The following ATP8B4 variants were observed in gnomAD, a reference collection of about 807,000 sequenced individuals.
ATP8B4 encodes ATPase phospholipid transporting 8B4 (putative).
In ATP8B4, 133 loss-of-function variants were observed where a neutral mutation model predicts 145.6. The ratio of observed to expected loss-of-function variants is 0.91; its 90% CI spans 0.79 to 1.05. The LOEUF is 1.05. Ranked by LOEUF, ATP8B4 falls within the 50% of genes least tolerant of loss-of-function variation. The pLI is 0.00. For synonymous variants in ATP8B4, 507 were observed against 492.9 expected (o/e 1.03, Z -0.38); for missense variants, 1,458 against 1,425.2 (o/e 1.02, Z -0.37).
intron 23 of ATP8B4, 177 bp downstream of exon 23, chr15:49,897,115 C>T: frequency 1.7e-6 from 1 of 596,766 alleles, no homozygotes; most frequent in Non-Finnish European, 2.8e-6. Context: ...GATACATATT[C>T]TTCTTGGGTA....
At position 49,859,414 on chromosome 15, in the gene ATP8B4, C is replaced by A. The variant is rs1164129425; in HGVS notation, c.*780G>T. 1.0e-3 allele frequency: 152 copies of A among 152,246 alleles called. No individual in the cohort carries two copies. The highest frequency in any genetic ancestry group is 3.4e-3 in the Middle Eastern group (1 of 294). The allele number at this position is 152,246 out of a possible 1,614,324, so 9.4% of individuals were successfully genotyped here. On this transcript the variant is annotated 3_prime_UTR_variant, in exon 28 of 28. Transcript: ENST00000284509. ...CTGGATGATGCTCAGCAAATTACTA[C>A]TGAGGTTGTTAGAAAAGCCATTGAA...
chr15:50,168,605 G>A (rs1183239503), intron 1 of ATP8B4, among the ~76,000 whole-genome samples: 2 of 152,144 alleles, frequency 1.3e-5, no homozygotes, highest in African/African-American at 4.8e-5. Flanking sequence ...AGAGGAGCAG[G>A]GGGTAAAAGT....
chr15:49,907,964 G>T (rs186832305), intron 20 of ATP8B4: 1 of 440,278 alleles, frequency 2.3e-6, no homozygotes, highest in Non-Finnish European at 4.5e-6. Context: ...GAAACACATG[G>T]CAAGTGCACA....
chr15:49,872,419 C>T (rs543786111), intron 25 of ATP8B4, among the ~76,000 whole-genome samples: 2 of 152,088 alleles, frequency 1.3e-5, no homozygotes, highest in Admixed American at 1.3e-4. Flanking sequence ...TTGGACTCAG[C>T]GACTTACTTT....
intron 1 of ATP8B4, among the ~76,000 whole-genome samples, chr15:50,177,083 T>C (rs1322696253): frequency 6.6e-6 from 1 of 152,178 alleles, no homozygotes; most frequent in Non-Finnish European, 1.5e-5. Context: ...GTGATTAACT[T>C]ATGGCAACAA....
intron 7 of ATP8B4, among the ~76,000 whole-genome samples, chr15:50,002,522 C>T (rs1026246687): frequency 1.3e-5 from 2 of 151,984 alleles, no homozygotes; most frequent in Non-Finnish European, 1.5e-5. Flanking sequence ...TATTTTCTTG[C>T]TTTGATAATT....
chr15:49,964,500 C>T (rs1385877006), intron 13 of ATP8B4, among the ~76,000 whole-genome samples: 1 of 151,856 alleles, frequency 6.6e-6, no homozygotes, highest in Admixed American at 6.6e-5. Flanking sequence ...TTAAATTTTC[C>T]CAAGGCCTAC....
At chr15:49,993,375 AGT>A (rs34145133) in intron 9 of ATP8B4, among the ~76,000 whole-genome samples, 27 of 151,130 alleles carry the variant, frequency 1.8e-4, no homozygotes, top group African/African-American at 6.1e-4. Context: ...TGCTGATAGT[AGT>A]GTGTGTGTGT....
chr15:49,904,555 G>T (rs1328169168), intron 20 of ATP8B4, among the ~76,000 whole-genome samples: 2 of 152,116 alleles, frequency 1.3e-5, no homozygotes, highest in Admixed American at 6.5e-5. Context: ...GGTGACTAGG[G>T]GTTAGGAATT....
chr15:50,091,727 T>A (rs1364236900), intron 2 of ATP8B4, among the ~76,000 whole-genome samples: 1 of 152,140 alleles, frequency 6.6e-6, no homozygotes, highest in Non-Finnish European at 1.5e-5. Flanking sequence ...TTCTTACTCA[T>A]ACATCTTCCT....
intron 3 of ATP8B4, among the ~76,000 whole-genome samples, chr15:50,073,267 G>A (rs1157672556): frequency 1.3e-5 from 2 of 151,668 alleles, no homozygotes; most frequent in African/African-American, 4.8e-5. Context: ...TCTGCTGTGT[G>A]ATGTTCCTCT....
chr15:49,971,011 G>A (rs1249158747), intron 13 of ATP8B4, among the ~76,000 whole-genome samples: 1 of 152,104 alleles, frequency 6.6e-6, no homozygotes, highest in Non-Finnish European at 1.5e-5. Flanking sequence ...TCAAAAACAA[G>A]CAATGGAGAA....
At chr15:50,070,839 C>T (rs1186627586) in intron 3 of ATP8B4, among the ~76,000 whole-genome samples, 1 of 152,154 alleles carries the variant, frequency 6.6e-6, no homozygotes, top group Admixed American at 6.5e-5. Context: ...CTTCCAGGTT[C>T]AAGCAATTCT....
chr15:49,941,572 A>C (rs2153477502), intron 14 of ATP8B4, among the ~76,000 whole-genome samples: 1 of 152,354 alleles, frequency 6.6e-6, no homozygotes, highest in African/African-American at 2.4e-5. Flanking sequence ...TGAAAAGGGA[A>C]GGCTTGTACA....
chr15:49,925,411 A>C (rs1325021445), intron 16 of ATP8B4, among the ~76,000 whole-genome samples: 1 of 152,054 alleles, frequency 6.6e-6, no homozygotes, highest in East Asian at 1.9e-4. Context: ...TCCATGGTAT[A>C]CTCATGAGAA....
chr15:49,921,846 T>G (rs1411236266), intron 17 of ATP8B4, among the ~76,000 whole-genome samples: 1 of 152,216 alleles, frequency 6.6e-6, no homozygotes, highest in Non-Finnish European at 1.5e-5. Flanking sequence ...AAGCCCTGCC[T>G]TTCAAGACCA....
chr15:50,093,192 T>G (rs1005949808), intron 2 of ATP8B4, among the ~76,000 whole-genome samples: 11 of 151,208 alleles, frequency 7.3e-5, no homozygotes, highest in African/African-American at 2.7e-4. Context: ...ATTCCCACAT[T>G]TAAAAAAAAA....
chr15:50,156,446 A>G (rs1423406686), intron 1 of ATP8B4, among the ~76,000 whole-genome samples: 1 of 152,074 alleles, frequency 6.6e-6, no homozygotes, highest in African/African-American at 2.4e-5. Context: ...TTGGGTACAT[A>G]ATGCTGCTGT....
At chr15:49,996,033 C>A (rs1237411918) in intron 9 of ATP8B4, among the ~76,000 whole-genome samples, 1 of 151,848 alleles carries the variant, frequency 6.6e-6, no homozygotes, top group East Asian at 1.9e-4. Context: ...ATAACTTTAA[C>A]AGAATAGAAC....
Sources: gnomAD v4.1 joint callset for allele counts (sites outside exome capture counted in the v4.1 genomes callset) on GRCh38, gnomAD v4.1.1 for gene constraint, MANE v1.5 for transcripts, NCBI Gene and HGNC (gene_info 2026-07-23, HGNC 2026-07-21) for gene names.